GATAD2B: variants seen among roughly 807,000 people sequenced by gnomAD.
GATAD2B encodes the protein transcriptional repressor p66-beta.
A neutral mutation model predicts 64.3 loss-of-function variants in GATAD2B; 8 were observed. That is an observed-to-expected ratio of 0.12 (90% confidence interval 0.07 to 0.22). GATAD2B has a LOEUF of 0.22. Ranked by LOEUF, GATAD2B falls within the 10% of genes least tolerant of loss-of-function variation. GATAD2B has a pLI of 1.00. For missense variants in GATAD2B, 453 were observed against 752.0 expected (o/e 0.60, Z 4.65); for synonymous variants, 281 against 271.3 (o/e 1.04, Z -0.35).
At chr1:153,905,788 C>T (rs1407289807) in intron 1 of GATAD2B, among the ~76,000 whole-genome samples, 1 of 146,982 alleles carries the variant, frequency 6.8e-6, no homozygotes, top group African/African-American at 2.5e-5. Flanking sequence ...AAAAAAAAGC[C>T]GGGTGCAGTG....
chr1:153,826,951 A>C (rs78872731), intron 2 of GATAD2B, among the ~76,000 whole-genome samples: 1 of 151,624 alleles, frequency 6.6e-6, no homozygotes, highest in Non-Finnish European at 1.5e-5. Flanking sequence ...AAAAAAAAAA[A>C]AAAAAAAAAA....
At chr1:153,874,597 G>A (rs1676767149) in intron 1 of GATAD2B, among the ~76,000 whole-genome samples, 1 of 151,828 alleles carries the variant, frequency 6.6e-6, no homozygotes, top group South Asian at 2.1e-4. Context: ...TTGTTTTTGA[G>A]ACGGAGTTTC....
In GATAD2B at chr1:153,816,159, T is replaced by TA. The variant is rs1674475307; in HGVS notation, c.1216+113dup. 1 of 690,000 alleles carries TA rather than the reference T, an allele frequency of 1.4e-6. No homozygotes were observed. Among genetic ancestry groups the TA allele is most frequent in the Non-Finnish European group, 2.5e-6 (1 of 399,440 alleles). 42.7% of individuals were successfully genotyped at this position (690,000 alleles called of 1,614,324 possible). ...TAAAGAAGGGAGGGAGGTGGTTTGG[T>TA]AACAGGAAGGAGAAGTTATTTAATA... is the stretch of plus-strand genomic sequence containing the variant. On this transcript the variant is annotated intron_variant, in intron 7 of 10. Transcript: ENST00000368655. The surrounding 1 kb of genome is among the most constrained non-coding windows in gnomAD (Gnocchi z 4.9).
At chr1:153,886,143 A>G (rs1246545783) in intron 1 of GATAD2B, among the ~76,000 whole-genome samples, 1 of 152,256 alleles carries the variant, frequency 6.6e-6, no homozygotes, top group Non-Finnish European at 1.5e-5. Context: ...TACAAATTTT[A>G]TAAATAACTT....
intron 1 of GATAD2B, among the ~76,000 whole-genome samples, chr1:153,851,611 T>C (rs1257894606): frequency 2.7e-5 from 4 of 149,306 alleles, no homozygotes; most frequent in African/African-American, 9.8e-5. Context: ...CCTTTGTCCA[T>C]TTTTTTTTTA....
intron 1 of GATAD2B, among the ~76,000 whole-genome samples, chr1:153,899,211 A>AG (rs1267328156): frequency 3.3e-5 from 5 of 152,178 alleles, no homozygotes; most frequent in African/African-American, 1.2e-4. Flanking sequence ...CATGCCTGTG[A>AG]ATAGCCACTG....
intron 1 of GATAD2B, among the ~76,000 whole-genome samples, chr1:153,862,392 G>C (rs6694061): frequency 0.27 from 40,670 of 151,660 alleles, 6,050 homozygotes; most frequent in Admixed American, 0.38. Context: ...CAAAGTGCCA[G>C]GATTACAGGC....
chr1:153,857,492 T>C (rs904799617), intron 1 of GATAD2B, among the ~76,000 whole-genome samples: 2 of 152,156 alleles, frequency 1.3e-5, no homozygotes, highest in Admixed American at 6.6e-5. Flanking sequence ...TGTCCCTTCA[T>C]AGAAAACGGA....
chr1:153,891,469 T>C (rs537476405), intron 1 of GATAD2B, among the ~76,000 whole-genome samples: 1 of 140,372 alleles, frequency 7.1e-6, no homozygotes, highest in East Asian at 2.2e-4. Flanking sequence ...ACTTGGGAGG[T>C]TGAGGCAGGA....
intron 10 of GATAD2B, among the ~76,000 whole-genome samples, chr1:153,810,547 C>A (rs540804443): frequency 6.6e-6 from 1 of 152,158 alleles, no homozygotes; most frequent in East Asian, 1.9e-4. Context: ...CTCTGCCTCC[C>A]AGACTCAAGC....
intron 2 of GATAD2B, among the ~76,000 whole-genome samples, chr1:153,821,862 G>A (rs201185087): frequency 1.9e-4 from 29 of 151,456 alleles, no homozygotes; most frequent in African/African-American, 5.1e-4. Context: ...GACTGTGCCC[G>A]GCCTGAATTC....
chr1:153,830,956 G>A (rs907374411), intron 1 of GATAD2B, among the ~76,000 whole-genome samples: 25 of 151,976 alleles, frequency 1.6e-4, no homozygotes, highest in African/African-American at 5.3e-4. Flanking sequence ...GTTTTTTGTA[G>A]GACAAGGTCT....
chr1:153,884,493 T>C (rs1677106005), intron 1 of GATAD2B, among the ~76,000 whole-genome samples: 1 of 151,732 alleles, frequency 6.6e-6, no homozygotes, highest in Non-Finnish European at 1.5e-5. Flanking sequence ...TCCCAGCTAC[T>C]GGGGAGGCTG....
intron 1 of GATAD2B, among the ~76,000 whole-genome samples, chr1:153,833,250 C>T (rs1675140819): frequency 6.6e-6 from 1 of 152,150 alleles, no homozygotes; most frequent in Non-Finnish European, 1.5e-5. Flanking sequence ...GCTAAATCTA[C>T]TCTGCCTGCA....
chr1:153,855,842 C>A (rs895920360), intron 1 of GATAD2B, among the ~76,000 whole-genome samples: 1 of 151,992 alleles, frequency 6.6e-6, no homozygotes, highest in Non-Finnish European at 1.5e-5. Flanking sequence ...ATCACCACGC[C>A]CAGCTAATTT....
At chr1:153,896,211 C>T (rs1213716194) in intron 1 of GATAD2B, among the ~76,000 whole-genome samples, 23 of 151,868 alleles carry the variant, frequency 1.5e-4, no homozygotes, top group Admixed American at 1.5e-3. Context: ...CTCTAAATAG[C>T]ATTAAAGAAA....
rs114203694 is a variant in GATAD2B, at chr1:153,910,466, G to A, written c.-2+12267C>T. Among the ~76,000 whole-genome samples the A allele has an allele frequency of 3.3e-3, 501 of 152,228 alleles. 6 individuals are homozygous for A. The highest frequency in any genetic ancestry group is 0.011 in the African/African-American group (473 of 41,540). On this transcript the variant is annotated intron_variant, in intron 1 of 10. Transcript: ENST00000368655. ...TTACAAAATAGGCTTTGGGCTGGGC[G>A]CAGTGGCTCATCCCTATAATCCCAG...
At chr1:153,843,875 A>C (rs1675587090) in intron 1 of GATAD2B, among the ~76,000 whole-genome samples, 1 of 151,994 alleles carries the variant, frequency 6.6e-6, no homozygotes, top group South Asian at 2.1e-4. Context: ...AAAACAATGG[A>C]CATCAGGCAA....
chr1:153,893,955 T>TAAAAA (rs57287798), intron 1 of GATAD2B, among the ~76,000 whole-genome samples: 3 of 68,630 alleles, frequency 4.4e-5, no homozygotes, highest in African/African-American at 1.3e-4. Context: ...AGACTCCATC[T>TAAAAA]AAAAAAAAAA....
Sources: allele counts gnomAD v4.1 joint callset (sites outside exome capture counted in the v4.1 genomes callset), GRCh38; gene constraint gnomAD v4.1.1; non-coding constraint Gnocchi (gnomAD v3.1); transcripts MANE v1.5; gene names NCBI Gene and HGNC (gene_info 2026-07-23, HGNC 2026-07-21).